The following CYRIA variants were observed in gnomAD, a reference collection of about 807,000 sequenced individuals.
CYRIA encodes CYFIP related Rac1 interactor A.
CYRIA carries 15 observed loss-of-function variants against 43.9 expected under a neutral mutation model. The ratio of observed to expected loss-of-function variants is 0.34; its 90% CI spans 0.23 to 0.53. The LOEUF (loss-of-function observed/expected upper bound fraction) is 0.53. Among genes scored for constraint, CYRIA ranks in the 20% least tolerant of loss-of-function variants. CYRIA has a pLI of 0.94. For synonymous variants in CYRIA, 117 were observed against 136.0 expected (o/e 0.86, Z 0.97); for missense variants, 236 against 394.2 (o/e 0.60, Z 3.40).
At chr2:16,645,258 CA>C (rs1669786451) in intron 1 of CYRIA, among the ~76,000 whole-genome samples, 1 of 152,102 alleles carries the variant, frequency 6.6e-6, no homozygotes, top group South Asian at 2.1e-4. Context: ...ATATTTATTC[CA>C]CAAACATTTG....
intron 4 of CYRIA, 139 bp from the exon 5 acceptor site, chr2:16,564,233 A>G: frequency 1.7e-6 from 1 of 597,436 alleles, no homozygotes; most frequent in Non-Finnish European, 2.9e-6. Context: ...GGTTCATCGG[A>G]TGGTCCTCCA....
At chr2:16,607,620 G>C (rs772878191) in intron 2 of CYRIA, among the ~76,000 whole-genome samples, 1 of 152,006 alleles carries the variant, frequency 6.6e-6, no homozygotes, top group African/African-American at 2.4e-5. Context: ...GATGGAGTCT[G>C]CTCTGTCATC....
At chr2:16,582,284 G>T (rs1012754983) in intron 3 of CYRIA, among the ~76,000 whole-genome samples, 2 of 152,126 alleles carry the variant, frequency 1.3e-5, no homozygotes, top group African/African-American at 4.8e-5. Flanking sequence ...TCAGCATTAG[G>T]CAGAAGAAAA....
intron 1 of CYRIA, among the ~76,000 whole-genome samples, chr2:16,636,628 T>C (rs183112909): frequency 6.6e-6 from 1 of 152,234 alleles, no homozygotes; most frequent in East Asian, 1.9e-4. Context: ...ATGTTTTTGT[T>C]GAGGTCTCTA....
At chr2:16,647,202 C>T (rs545273751) in intron 1 of CYRIA, among the ~76,000 whole-genome samples, 1 of 152,230 alleles carries the variant, frequency 6.6e-6, no homozygotes, top group African/African-American at 2.4e-5. Flanking sequence ...ATCTTCCTTC[C>T]AAAAAGATTT....
chr2:16,631,822 T>C (rs543941554), intron 1 of CYRIA, among the ~76,000 whole-genome samples: 5 of 152,266 alleles, frequency 3.3e-5, no homozygotes, highest in African/African-American at 1.2e-4. Flanking sequence ...AACTAAGCAA[T>C]GGTACCATGG....
At chr2:16,565,810 A>T in intron 3 of CYRIA, 43 bp from the exon 4 acceptor site, 1 of 1,493,190 alleles carries the variant, frequency 6.7e-7, no homozygotes, top group Non-Finnish European at 9.1e-7. Context: ...TGGTGTTTAC[A>T]AATAGCTTGG....
intron 1 of CYRIA, among the ~76,000 whole-genome samples, chr2:16,644,582 T>C (rs1669766624): frequency 6.6e-6 from 1 of 152,190 alleles, no homozygotes. Flanking sequence ...TCTAAGCTTG[T>C]TTTCTTCCTA....
chr2:16,574,733 A>G (rs1667268257), intron 3 of CYRIA, among the ~76,000 whole-genome samples: 1 of 152,188 alleles, frequency 6.6e-6, no homozygotes, highest in Non-Finnish European at 1.5e-5. Context: ...GAAATCAAAA[A>G]CTGAGGTTTG....
At chr2:16,555,634 C>A (rs140550229) in intron 10 of CYRIA, among the ~76,000 whole-genome samples, 387 of 152,210 alleles carry the variant, frequency 2.5e-3, no homozygotes, top group Non-Finnish European at 3.6e-3. Flanking sequence ...ATTTTAGACC[C>A]AGCTGAAGAT....
chr2:16,593,698 G>GTTT (rs201907701), intron 2 of CYRIA, among the ~76,000 whole-genome samples: 2 of 81,970 alleles, frequency 2.4e-5, no homozygotes, highest in African/African-American at 8.6e-5. Context: ...GTGTGTGTGT[G>GTTT]TTTTTTTTTG....
At chr2:16,632,126 G>A (rs1356981641) in intron 1 of CYRIA, among the ~76,000 whole-genome samples, 1 of 152,204 alleles carries the variant, frequency 6.6e-6, no homozygotes, top group Non-Finnish European at 1.5e-5. Context: ...ACAGCACTCT[G>A]GGCTGAGAAG....
chr2:16,565,648 C>G lies in CYRIA; in HGVS notation c.190G>C (p.Asp64His). The G allele has an allele frequency of 6.4e-7, 1 of 1,564,164 alleles. No homozygotes were observed. The highest frequency in any genetic ancestry group is 1.2e-5 in the South Asian group (1 of 86,430). The part of the protein sequence containing the change: ...AYKGAGPEIR[D>H]AIQNPNDIQL... ...GTTCAGCGTGATCATTGACATACAT[C>G]TCGGATCTCTGGGCCTGCGCCTTTG... Residue 64 changes from aspartate to histidine, a missense_variant and splice_region_variant, in exon 4 of 12, where the codon GAT (aspartate) becomes CAT (histidine). By Grantham distance (81) the Asp-to-His change is moderately conservative. Coordinates refer to ENST00000381323, the MANE Select transcript of CYRIA (RefSeq NM_030797.4).
intron 1 of CYRIA, among the ~76,000 whole-genome samples, chr2:16,660,402 GCC>G (rs1670218630): frequency 6.6e-6 from 1 of 152,140 alleles, no homozygotes; most frequent in East Asian, 1.9e-4. Flanking sequence ...CACAGAGAGC[GCC>G]CATGTGGAGG....
At chr2:16,580,142 C>A (rs565697964) in intron 3 of CYRIA, among the ~76,000 whole-genome samples, 1 of 152,056 alleles carries the variant, frequency 6.6e-6, no homozygotes, top group South Asian at 2.1e-4. Context: ...GAGATGAGGT[C>A]TCGCTTTGTT....
chr2:16,609,363 T>C (rs1469612401), intron 2 of CYRIA, among the ~76,000 whole-genome samples: 1 of 152,154 alleles, frequency 6.6e-6, no homozygotes, highest in African/African-American at 2.4e-5. Flanking sequence ...GTCTGAAAAG[T>C]CTGACATTAA....
intron 9 of CYRIA, 78 bp downstream of exon 9, chr2:16,560,912 A>C: frequency 7.9e-7 from 1 of 1,266,086 alleles, no homozygotes; most frequent in South Asian, 1.2e-5. Flanking sequence ...CAAATGTTAC[A>C]TATCATTAAC....
At chr2:16,575,999 T>C (rs977604693) in intron 3 of CYRIA, among the ~76,000 whole-genome samples, 11 of 152,196 alleles carry the variant, frequency 7.2e-5, no homozygotes, top group African/African-American at 2.7e-4. Flanking sequence ...CTGTCATAAT[T>C]GTGAGGCCTC....
rs148989945 is a variant in CYRIA at position 16,632,346 on chromosome 2, T to C, written c.-166-8327A>G. ...TACCCTGACAATGAAGCCTCTTCTA[T>C]AGAATGCTCCTGTTCAAACCCAACA... On this transcript the variant is annotated intron_variant, in intron 1 of 11. Coordinates refer to ENST00000381323, the MANE Select transcript of CYRIA (RefSeq NM_030797.4). Among the ~76,000 whole-genome samples the C allele has an allele frequency of 6.4e-4, 97 of 152,306 alleles. No homozygotes were observed. In the East Asian group the frequency reaches 9.1e-3, roughly 14 times the overall value.
Sources: gnomAD v4.1 joint callset for allele counts (sites outside exome capture counted in the v4.1 genomes callset) on GRCh38, gnomAD v4.1.1 for gene constraint, MANE v1.5 for transcripts, NCBI Gene and HGNC (gene_info 2026-07-23, HGNC 2026-07-21) for gene names.